The following LGALS14 variants were observed in gnomAD, a reference collection of about 807,000 sequenced individuals.
LGALS14 encodes galectin 14.
LGALS14 carries 14 observed loss-of-function variants against 14.6 expected under a neutral mutation model. The observed-to-expected ratio is 0.96, with a 90% CI of 0.64 to 1.50. The LOEUF (loss-of-function observed/expected upper bound fraction) is 1.50. LGALS14 is among the 40% of genes most tolerant of loss of function. The probability of loss-of-function intolerance (pLI) is 0.00; values close to 1 mark genes in which losing one functional copy is unlikely to be tolerated. For missense variants in LGALS14, 180 were observed against 172.0 expected (o/e 1.05, Z -0.26); for synonymous variants, 57 against 63.9 (o/e 0.89, Z 0.51).
At chr19:39,705,249 G>A in intron 1 of LGALS14, among the ~76,000 whole-genome samples, 1 of 152,118 alleles carries the variant, frequency 6.6e-6, no homozygotes, top group Non-Finnish European at 1.5e-5. Flanking sequence ...TAAGAGTGAG[G>A]AAAAGGAACG....
At chr19:39,705,403 A>G (rs1394417094) in intron 1 of LGALS14, among the ~76,000 whole-genome samples, 1 of 152,172 alleles carries the variant, frequency 6.6e-6, no homozygotes, top group African/African-American at 2.4e-5. Flanking sequence ...CTGATTTGCC[A>G]GGGAAGAATA....
At position 39,707,239 on chromosome 19, in the gene LGALS14, T is replaced by C; in HGVS notation, c.154T>C (p.Phe52Leu). 1.2e-6 allele frequency: 2 copies of C among 1,614,140 alleles called. No individual in the cohort carries two copies. Among genetic ancestry groups the C allele is most frequent in the South Asian group, 2.2e-5 (2 of 91,084 alleles). ...GATGGATGAGGACTCAGATATTGCT[T>C]TCCAATTCCGACTGCACTTTGGTCA... ...TGMDEDSDIA[F>L]QFRLHFGHPA... Residue 52 changes from phenylalanine to leucine, a missense_variant, in exon 3 of 4, where the codon TTC becomes CTC. Transcript: ENST00000392052.
intron 2 of LGALS14, 104 bp from the exon 3 acceptor site, chr19:39,707,074 G>A: frequency 1.1e-6 from 1 of 872,052 alleles, no homozygotes; most frequent in Non-Finnish European, 1.9e-6. Flanking sequence ...TCATCGGGGA[G>A]ACTTTTTGCC....
At chr19:39,707,484 C>A in intron 3 of LGALS14, 96 bp downstream of exon 3, 1 of 939,138 alleles carries the variant, frequency 1.1e-6, no homozygotes, top group Non-Finnish European at 1.7e-6. Context: ...CCTTGGGGCC[C>A]ATCTTCCATA....
rs554264304 is a variant in LGALS14, at chr19:39,708,258, T to C, written c.303+870T>C. On this transcript the variant is annotated intron_variant, in intron 3 of 3. Coordinates refer to ENST00000392052, the MANE Select transcript of LGALS14 (RefSeq NM_020129.3). ...CAAAGAATATATCTTGAAGACATTA[T>C]CAATCCACGGTGCCGCTTCAGTTTT... 1.8e-4 allele frequency among the ~76,000 whole-genome samples: 27 copies of C among 152,340 alleles called. No homozygotes were observed. The East Asian group carries it at 5.0e-3, about 28-fold the overall frequency.
Position 39,708,545 on chromosome 19 carries a change from G to A in LGALS14, c.304-652G>A, listed in dbSNP as rs559593273. 3.3e-5 allele frequency among the ~76,000 whole-genome samples: 5 copies of A among 152,124 alleles called. No individual in the cohort carries two copies. In the South Asian group the frequency reaches 8.3e-4, roughly 25 times the overall value. Reference sequence around the variant, plus strand: ...AGAAGGTGACTTTCTCTATAGCCTCGACATAAGGAATATATCCATAGTTTC... The same window carrying A: ...AGAAGGTGACTTTCTCTATAGCCTCAACATAAGGAATATATCCATAGTTTC... On this transcript the variant is annotated intron_variant, in intron 3 of 3. Transcript: ENST00000392052.
intron 1 of LGALS14, 56 bp downstream of exon 1, chr19:39,704,599 A>T (rs1303456208): frequency 1.3e-6 from 2 of 1,570,466 alleles, no homozygotes; most frequent in African/African-American, 1.4e-5. Context: ...CCAAGAAAGA[A>T]ACAGGGGAGG....
rs756826125 is a variant in LGALS14, at chr19:39,706,603, T to C, written c.22T>C (p.Tyr8His). Residue 8 changes from tyrosine (Y) to histidine (H), a missense_variant, in exon 2 of 4, where the codon TAC (tyrosine) becomes CAC (histidine). Coordinates refer to ENST00000392052, the MANE Select transcript of LGALS14 (RefSeq NM_020129.3). ...ACTCTCCATACCCTGGCAGGTACCA[T>C]ACACACTGCCTGTTTCCTTGCCTGT... MSSLPVP[Y>H]TLPVSLPVGS... The C allele has an allele frequency of 7.4e-6, 12 of 1,613,826 alleles. No homozygotes were observed. The highest frequency in any genetic ancestry group is 1.0e-5 in the Non-Finnish European group (12 of 1,179,716).
At chr19:39,709,143 C>CTTAT (rs1973760309) in intron 3 of LGALS14, 54 bp from the exon 4 acceptor site, 1 of 1,119,900 alleles carries the variant, frequency 8.9e-7, no homozygotes, top group Non-Finnish European at 1.4e-6. Context: ...AGAGAAAGGG[C>CTTAT]TGAAAACCTG....
rs755258719 is a variant in LGALS14 at position 39,709,156 on chromosome 19, T to G, written c.304-41T>G. On this transcript the variant is annotated intron_variant, in intron 3 of 3. Transcript: ENST00000392052. ...GAAGAGAAAGGGCTGAAAACCTGTT[T>G]GGTGGCATGCTGTCTTTCTGATGCA... The G allele has an allele frequency of 2.4e-6, 3 of 1,249,436 alleles. No homozygotes were observed. In the East Asian group the frequency reaches 6.9e-5, roughly 29 times the overall value. 77.4% of individuals were successfully genotyped at this position (1,249,436 alleles called of 1,614,324 possible).
chr19:39,706,123 C>G, intron 1 of LGALS14: 1 of 1,431,362 alleles, frequency 7.0e-7, no homozygotes, highest in Non-Finnish European at 9.5e-7. Context: ...ACCCTCAAGT[C>G]TTGTTTTCAT....
Position 39,704,520 on chromosome 19 carries a change from G to A in LGALS14, c.-9G>A. The A allele has an allele frequency of 1.2e-6, 2 of 1,613,676 alleles. No homozygotes were observed. Among genetic ancestry groups the A allele is most frequent in the African/African-American group, 1.3e-5 (1 of 75,046 alleles). ...ACAATTCCGAAGAGCTGCCCAGAAG[G>A]AGAGAACAATGTCATCACTACCCGT... is the stretch of plus-strand genomic sequence containing the variant. On this transcript the variant is annotated 5_prime_UTR_variant, in exon 1 of 4. Coordinates refer to ENST00000392052, the MANE Select transcript of LGALS14 (RefSeq NM_020129.3).
At chr19:39,705,225 A>G (rs1019353888) in intron 1 of LGALS14, among the ~76,000 whole-genome samples, 5 of 152,168 alleles carry the variant, frequency 3.3e-5, no homozygotes, top group African/African-American at 7.2e-5. Context: ...TCATCAGTAG[A>G]TATCTCTTCC....
In LGALS14 at chr19:39,706,048, T is replaced by G. The variant is rs116895043; in HGVS notation, c.16-549T>G. On this transcript the variant is annotated intron_variant, in intron 1 of 3. Transcript: ENST00000392052. ...CCACACACAGGGGTTTCCTGTTCTT[T>G]CGTCATTTCCCTTTCTCTTTCAACA... 8,852 of 1,609,650 alleles carry G rather than the reference T, an allele frequency of 5.5e-3. 33 individuals are homozygous for G. The highest frequency in any genetic ancestry group is 6.2e-3 in the Non-Finnish European group (7,347 of 1,178,324).
At chr19:39,704,617 A>T in intron 1 of LGALS14, 74 bp downstream of exon 1, 10 of 1,448,860 alleles carry the variant, frequency 6.9e-6, no homozygotes, top group Non-Finnish European at 8.7e-6. Flanking sequence ...AGGTTTTCTG[A>T]GTTGAAAATA....
At chr19:39,707,636 T>A (rs976974871) in intron 3 of LGALS14, among the ~76,000 whole-genome samples, 1 of 152,198 alleles carries the variant, frequency 6.6e-6, no homozygotes, top group Non-Finnish European at 1.5e-5. Flanking sequence ...TCTTTTCCCA[T>A]AGTGCTCATT....
At chr19:39,704,580 T>A in intron 1 of LGALS14, 37 bp downstream of exon 1, 1 of 1,607,656 alleles carries the variant, frequency 6.2e-7, no homozygotes, top group Non-Finnish European at 8.5e-7. Flanking sequence ...TAATCTCAAG[T>A]CACATAAACC....
At chr19:39,707,850 TC>T (rs1322558120) in intron 3 of LGALS14, among the ~76,000 whole-genome samples, 1 of 152,134 alleles carries the variant, frequency 6.6e-6, no homozygotes, top group Non-Finnish European at 1.5e-5. Context: ...CACTTTGTCA[TC>T]CAGGTTGGAG....
chr19:39,709,109 A>G, intron 3 of LGALS14, 88 bp from the exon 4 acceptor site: 2 of 819,280 alleles, frequency 2.4e-6, no homozygotes, highest in South Asian at 2.7e-5. Context: ...TTCATGGGGA[A>G]GGTTATTTGT....
Sources: gnomAD v4.1 joint callset for allele counts (sites outside exome capture counted in the v4.1 genomes callset) on GRCh38, gnomAD v4.1.1 for gene constraint, MANE v1.5 for transcripts, NCBI Gene and HGNC (gene_info 2026-07-23, HGNC 2026-07-21) for gene names.